DEPTOR: variants seen among roughly 807,000 people sequenced by gnomAD.
The protein encoded by DEPTOR is DEP domain containing MTOR interacting protein.
Under a neutral mutation model 41.6 loss-of-function variants are expected in DEPTOR, and 41 were observed. The observed-to-expected ratio is 0.98, with a 90% CI of 0.77 to 1.28. The LOEUF (loss-of-function observed/expected upper bound fraction) is 1.28. DEPTOR is among the 50% of genes most tolerant of loss of function. The pLI, the probability that DEPTOR is intolerant of heterozygous loss-of-function variation, is 0.00. For missense variants in DEPTOR, 514 were observed against 527.9 expected (o/e 0.97, Z 0.26); for synonymous variants, 195 against 192.3 (o/e 1.01, Z -0.12).
intron 3 of DEPTOR, among the ~76,000 whole-genome samples, chr8:119,933,533 G>GCAC (rs1828073225): frequency 6.7e-6 from 1 of 150,120 alleles, no homozygotes; most frequent in South Asian, 2.1e-4. Flanking sequence ...GCTTCTTAAT[G>GCAC]CACTTCCTTT....
intron 3 of DEPTOR, among the ~76,000 whole-genome samples, chr8:119,950,923 T>C (rs1030716267): frequency 2.6e-5 from 4 of 152,046 alleles, no homozygotes; most frequent in Admixed American, 2.6e-4. Flanking sequence ...TTTAAATATA[T>C]TTGGCATGGT....
At chr8:119,968,334 A>T (rs573726307) in intron 4 of DEPTOR, among the ~76,000 whole-genome samples, 107 of 148,510 alleles carry the variant, frequency 7.2e-4, no homozygotes, top group African/African-American at 2.2e-3. Flanking sequence ...TATTATTATT[A>T]TTTTTTTTTT....
intron 8 of DEPTOR, among the ~76,000 whole-genome samples, chr8:120,035,311 C>T (rs1277740258): frequency 6.8e-6 from 1 of 146,168 alleles, no homozygotes; most frequent in Non-Finnish European, 1.5e-5. Context: ...CAGAGTGAGA[C>T]CCTGCCCAGA....
chr8:120,049,769 T>C lies in DEPTOR; in HGVS notation c.*65T>C. On this transcript the variant is annotated 3_prime_UTR_variant, in exon 9 of 9. Transcript: ENST00000286234. ...GGGAAGCCAGAATGACACAAAGCAA[T>C]GCAAAGACAAGATTGCCATGCAAAT... 1.3e-6 allele frequency: 2 copies of C among 1,587,714 alleles called. No homozygotes were observed.
At chr8:119,996,585 A>G (rs1317600609) in intron 4 of DEPTOR, among the ~76,000 whole-genome samples, 1 of 152,174 alleles carries the variant, frequency 6.6e-6, no homozygotes, top group Non-Finnish European at 1.5e-5. Context: ...TAAGCTGGAG[A>G]CTGGATGTAA....
intron 1 of DEPTOR, among the ~76,000 whole-genome samples, chr8:119,926,115 CT>C (rs1484341491): frequency 1.3e-5 from 2 of 152,048 alleles, no homozygotes; most frequent in Non-Finnish European, 2.9e-5. Flanking sequence ...AATTATTTTC[CT>C]TAATAGAAGA....
chr8:120,018,798 T>C (rs541112078), intron 8 of DEPTOR, among the ~76,000 whole-genome samples: 2 of 152,240 alleles, frequency 1.3e-5, no homozygotes, highest in East Asian at 3.9e-4. Flanking sequence ...AGATGGCAGC[T>C]TCTCAGGGTC....
intron 3 of DEPTOR, among the ~76,000 whole-genome samples, chr8:119,934,567 A>T (rs1828085894): frequency 6.6e-6 from 1 of 152,148 alleles, no homozygotes; most frequent in Non-Finnish European, 1.5e-5. Context: ...TAAGGCTGGG[A>T]CCCACTGCTG....
intron 3 of DEPTOR, among the ~76,000 whole-genome samples, chr8:119,946,906 C>T (rs1828286527): frequency 6.6e-6 from 1 of 152,180 alleles, no homozygotes. Flanking sequence ...TGCCCTTCTT[C>T]CCTCACCCTC....
intron 8 of DEPTOR, among the ~76,000 whole-genome samples, chr8:120,032,996 A>G (rs1028817535): frequency 1.3e-5 from 2 of 152,026 alleles, no homozygotes; most frequent in Non-Finnish European, 1.5e-5. Flanking sequence ...TCATCCAGTA[A>G]AAGAGAAGTG....
intron 8 of DEPTOR, among the ~76,000 whole-genome samples, chr8:120,042,574 A>G (rs1390192072): frequency 2.0e-5 from 3 of 152,162 alleles, no homozygotes; most frequent in Non-Finnish European, 4.4e-5. Context: ...GCTGTAGTGC[A>G]ATGGCACTAT....
chr8:119,894,384 T>TTTTATTTATTTATTTATTTATTTA (rs35523236), intron 1 of DEPTOR, among the ~76,000 whole-genome samples: 1 of 46,414 alleles, frequency 2.2e-5, no homozygotes, highest in African/African-American at 4.7e-5. Context: ...AATAGTTCTT[T>TTTTATTTATTTATTTATTTATTTA]TTTATTTATT....
chr8:119,954,787 G>A (rs1163917799), intron 3 of DEPTOR, among the ~76,000 whole-genome samples: 4 of 152,084 alleles, frequency 2.6e-5, no homozygotes, highest in Non-Finnish European at 5.9e-5. Context: ...CAGGAAAGGT[G>A]GAAATCAGCT....
rs539569164 is a variant in DEPTOR, at chr8:119,883,849, A to G, written c.122+9881A>G. Among the ~76,000 whole-genome samples, 397 of 152,306 alleles carry G rather than the reference A, an allele frequency of 2.6e-3. 2 individuals carry two copies. The highest frequency in any genetic ancestry group is 9.2e-3 in the African/African-American group (383 of 41,568). On this transcript the variant is annotated intron_variant, in intron 1 of 8. Coordinates refer to ENST00000286234, the MANE Select transcript of DEPTOR (RefSeq NM_022783.4). ...TGTCTTGGCCTTGTTTAGAGCATCC[A>G]GCTCCATGAGGCACTCCTTTGAGTG...
chr8:119,897,226 A>T (rs1827531350), intron 1 of DEPTOR, among the ~76,000 whole-genome samples: 1 of 152,176 alleles, frequency 6.6e-6, no homozygotes, highest in Non-Finnish European at 1.5e-5. Context: ...ACAGAATTTC[A>T]TGTAAGGATC....
At chr8:119,936,388 A>G (rs776763662) in intron 3 of DEPTOR, among the ~76,000 whole-genome samples, 28 of 152,322 alleles carry the variant, frequency 1.8e-4, no homozygotes, top group South Asian at 4.1e-4. Context: ...AGCCTGTACC[A>G]TGAGCTACAC....
At chr8:120,027,978 A>G (rs1050114983) in intron 8 of DEPTOR, among the ~76,000 whole-genome samples, 1 of 152,066 alleles carries the variant, frequency 6.6e-6, no homozygotes, top group African/African-American at 2.4e-5. Context: ...TTTAAAGTGG[A>G]GCTTAGAGAC....
chr8:119,900,323 CAA>C lies in DEPTOR; in HGVS notation c.122+26368_122+26369del, dbSNP rs572919486. Among the ~76,000 whole-genome samples, 104 of 54,174 alleles carry C rather than the reference CAA, an allele frequency of 1.9e-3. 1 individual carries two copies. The highest frequency in any genetic ancestry group is 8.2e-3 in the African/African-American group (99 of 12,004). 35.5% of individuals were successfully genotyped at this position (54,174 alleles called of 152,430 possible). ...TGGGCAACAGAGCGAGGCTCCATCTCAAAAAAAAAAAAAAGAAAAAAAAAAAA... is the reference window on the plus strand; with the variant it reads ...TGGGCAACAGAGCGAGGCTCCATCTCAAAAAAAAAAAAGAAAAAAAAAAAA... On this transcript the variant is annotated intron_variant, in intron 1 of 8. Transcript: ENST00000286234.
At chr8:119,955,615 T>G (rs1158142619) in intron 3 of DEPTOR, among the ~76,000 whole-genome samples, 1 of 152,020 alleles carries the variant, frequency 6.6e-6, no homozygotes, top group Admixed American at 6.6e-5. Flanking sequence ...TACAGGCATG[T>G]GCCACCACGC....
Sources: gnomAD v4.1 joint callset for allele counts (sites outside exome capture counted in the v4.1 genomes callset) on GRCh38, gnomAD v4.1.1 for gene constraint, MANE v1.5 for transcripts, NCBI Gene and HGNC (gene_info 2026-07-23, HGNC 2026-07-21) for gene names.